Variants in PRMT3 observed in about 807,000 individuals in gnomAD.
PRMT3 encodes protein arginine N-methyltransferase 3.
Under a neutral mutation model 71.9 loss-of-function variants are expected in PRMT3, and 62 were observed. The ratio of observed to expected loss-of-function variants is 0.86; its 90% CI spans 0.70 to 1.07. The LOEUF is 1.07. PRMT3 is among the 50% of genes least tolerant of loss of function. The pLI is 0.00. For synonymous variants in PRMT3, 213 were observed against 220.4 expected, an observed-to-expected ratio of 0.97 and a Z score of 0.30; for missense variants, 663 against 643.0, an observed-to-expected ratio of 1.03 and a Z score of -0.34.
intron 5 of PRMT3, among the ~76,000 whole-genome samples, chr11:20,394,720 A>T (rs1848788261): frequency 6.6e-6 from 1 of 152,200 alleles, no homozygotes; most frequent in South Asian, 2.1e-4. Flanking sequence ...TGTAGCTGAA[A>T]GTGTGTACCC....
intron 13 of PRMT3, among the ~76,000 whole-genome samples, chr11:20,468,407 TG>T (rs1292054999): frequency 6.6e-6 from 1 of 152,160 alleles, no homozygotes; most frequent in Non-Finnish European, 1.5e-5. Context: ...CACTCTATAT[TG>T]CCTAGGCTGG....
chr11:20,433,755 G>A (rs1409075763), intron 10 of PRMT3, among the ~76,000 whole-genome samples: 1 of 152,056 alleles, frequency 6.6e-6, no homozygotes, highest in Non-Finnish European at 1.5e-5. Flanking sequence ...AGAGTAGCTG[G>A]GACTACAGAC....
intron 9 of PRMT3, among the ~76,000 whole-genome samples, chr11:20,413,564 C>G (rs904032586): frequency 6.6e-6 from 1 of 152,122 alleles, no homozygotes; most frequent in African/African-American, 2.4e-5. Context: ...TAATGATAAT[C>G]ATGTTAATTA....
intron 8 of PRMT3, 45 bp downstream of exon 8, chr11:20,403,029 G>T: frequency 7.0e-7 from 1 of 1,418,884 alleles, no homozygotes; most frequent in South Asian, 1.2e-5. Flanking sequence ...TCTTGTTCTT[G>T]GGCAGTAGAA....
chr11:20,452,559 A>T (rs1290490949), intron 11 of PRMT3, among the ~76,000 whole-genome samples: 1 of 151,992 alleles, frequency 6.6e-6, no homozygotes, highest in Non-Finnish European at 1.5e-5. Context: ...TTTTTTCCCA[A>T]TGGCATATTT....
intron 9 of PRMT3, among the ~76,000 whole-genome samples, chr11:20,417,440 T>TTA: frequency 6.6e-6 from 1 of 152,320 alleles, no homozygotes; most frequent in East Asian, 1.9e-4. Context: ...TAACTTTAAA[T>TTA]GCACTCGATT....
chr11:20,440,488 A>C (rs35087229), intron 10 of PRMT3, among the ~76,000 whole-genome samples: 1 of 71,484 alleles, frequency 1.4e-5, no homozygotes, highest in African/African-American at 5.6e-5. Flanking sequence ...TACTAAAAAT[A>C]CAAAAAAAAA....
chr11:20,427,883 C>G (rs1415280052), intron 10 of PRMT3, among the ~76,000 whole-genome samples: 1 of 151,756 alleles, frequency 6.6e-6, no homozygotes, highest in Non-Finnish European at 1.5e-5. Context: ...TAAAATTTAT[C>G]AAAAAATTTT....
In PRMT3 at chr11:20,459,058, T is replaced by C. The variant is rs183140836; in HGVS notation, c.1073-2922T>C. On this transcript the variant is annotated intron_variant, in intron 11 of 15. Coordinates refer to ENST00000331079, the MANE Select transcript of PRMT3 (RefSeq NM_005788.4). ...GCCATATAGCCTCTGTCCCAACTAT[T>C]CAACTCTGCCACTGTAGTGTAGTGT... is the stretch of plus-strand genomic sequence containing the variant. Among the ~76,000 whole-genome samples the C allele has an allele frequency of 7.4e-4, 112 of 152,290 alleles. No homozygotes were observed. The Middle Eastern group carries it at 0.014, about 18-fold the overall frequency.
At chr11:20,485,128 GCATGGACT>G (rs1444400782) in intron 13 of PRMT3, among the ~76,000 whole-genome samples, 2 of 152,090 alleles carry the variant, frequency 1.3e-5, no homozygotes, top group Non-Finnish European at 2.9e-5. Context: ...ATGAACACTT[GCATGGACT>G]ACAGCACAGC....
rs1849556419 is a variant in PRMT3, at chr11:20,426,811, TGAA to T, written c.944_946del (p.Glu315del). On this transcript the variant is annotated inframe_deletion, in exon 10 of 16. Transcript: ENST00000331079. ...CTATTACACTAATTAAAGGAAAGAT[TGAA>T]GAAGTTCATCTTCCTGTAGAAAAAG... The T allele has an allele frequency of 2.0e-6, 3 of 1,526,372 alleles. No individual in the cohort carries two copies. Among genetic ancestry groups the T allele is most frequent in the Admixed American group, 5.0e-5 (2 of 39,654 alleles). The allele number at this position is 1,526,372 out of a possible 1,614,324, so 94.6% of individuals were successfully genotyped here.
At chr11:20,481,576 T>G (rs115249390) in intron 13 of PRMT3, among the ~76,000 whole-genome samples, 68 of 152,246 alleles carry the variant, frequency 4.5e-4, no homozygotes, top group African/African-American at 1.5e-3. Context: ...AGTTTATATG[T>G]TAGTCTCTAA....
At chr11:20,504,669 C>A (rs1160467125) in intron 15 of PRMT3, among the ~76,000 whole-genome samples, 1 of 143,970 alleles carries the variant, frequency 6.9e-6, no homozygotes, top group Non-Finnish European at 1.5e-5. Flanking sequence ...TATATTGTTA[C>A]ATTTATCTCA....
At chr11:20,428,286 T>C (rs1282884537) in intron 10 of PRMT3, among the ~76,000 whole-genome samples, 4 of 152,216 alleles carry the variant, frequency 2.6e-5, no homozygotes, top group Non-Finnish European at 5.9e-5. Context: ...ACAAGAATTT[T>C]AAATAGTTTA....
intron 10 of PRMT3, among the ~76,000 whole-genome samples, chr11:20,437,800 A>G (rs1395867658): frequency 6.6e-6 from 1 of 152,092 alleles, no homozygotes; most frequent in African/African-American, 2.4e-5. Flanking sequence ...CATGTTAGCC[A>G]GGATGGTCTC....
At chr11:20,436,326 T>A (rs903300035) in intron 10 of PRMT3, among the ~76,000 whole-genome samples, 1 of 152,192 alleles carries the variant, frequency 6.6e-6, no homozygotes, top group Admixed American at 6.5e-5. Context: ...AGTATTATGT[T>A]GAATAAAAGT....
intron 10 of PRMT3, among the ~76,000 whole-genome samples, chr11:20,434,317 C>T (rs982801662): frequency 1.3e-5 from 2 of 152,148 alleles, no homozygotes; most frequent in African/African-American, 4.8e-5. Flanking sequence ...TTCTTGCATT[C>T]TAAGGGTTGT....
intron 2 of PRMT3, among the ~76,000 whole-genome samples, chr11:20,388,948 G>C (rs1233943073): frequency 6.6e-6 from 1 of 152,194 alleles, no homozygotes; most frequent in East Asian, 1.9e-4. Context: ...GTGCTGAGTG[G>C]TGGTGCGTTA....
At chr11:20,391,485 C>G (rs886294736) in intron 3 of PRMT3, among the ~76,000 whole-genome samples, 1 of 152,128 alleles carries the variant, frequency 6.6e-6, no homozygotes. Flanking sequence ...TCAGGTGATC[C>G]GCCTGCCTTG....
Sources: gnomAD v4.1 joint callset for allele counts (sites outside exome capture counted in the v4.1 genomes callset) on GRCh38, gnomAD v4.1.1 for gene constraint, MANE v1.5 for transcripts, NCBI Gene and HGNC (gene_info 2026-07-23, HGNC 2026-07-21) for gene names.